The following OSBPL10 variants were observed in gnomAD, a reference collection of about 807,000 sequenced individuals.
The protein encoded by OSBPL10 is oxysterol-binding protein-related protein 10.
Under a neutral mutation model 81.7 loss-of-function variants are expected in OSBPL10, and 49 were observed. That is an observed-to-expected ratio of 0.60 (90% CI 0.48 to 0.76). The LOEUF (loss-of-function observed/expected upper bound fraction) is 0.76. Ranked by LOEUF, OSBPL10 falls within the 30% of genes least tolerant of loss-of-function variation. The pLI, the probability that OSBPL10 is intolerant of heterozygous loss-of-function variation, is 0.00. For synonymous variants in OSBPL10, 419 were observed against 383.6 expected, an observed-to-expected ratio of 1.09 and a Z score of -1.08; for missense variants, 923 against 987.8, an observed-to-expected ratio of 0.93 and a Z score of 0.88.
At chr3:31,984,841 G>A (rs909380053), upstream of OSBPL10, among the ~76,000 whole-genome samples, 3 of 152,200 alleles carry the variant, frequency 2.0e-5, no homozygotes, top group East Asian at 1.9e-4. Flanking sequence ...GCCTGTGCCC[G>A]GGAATGAACA....
At chr3:31,893,780 T>C (rs1695975664) in intron 1 of OSBPL10, among the ~76,000 whole-genome samples, 1 of 152,176 alleles carries the variant, frequency 6.6e-6, no homozygotes, top group Non-Finnish European at 1.5e-5. Flanking sequence ...ATTCTATTTA[T>C]ATAAAACGTC....
rs147686391 is a variant in OSBPL10 at position 31,882,211 on chromosome 3, G to A, written c.282-2381C>T. ...AAAGCTCCAATTCCTCTAAGAAATC[G>A]TCCACTTTGAATTATTTTTAATATT... On this transcript the variant is annotated intron_variant, in intron 1 of 11. Transcript: ENST00000396556. Among the ~76,000 whole-genome samples, 106 of 152,238 alleles carry A rather than the reference G, an allele frequency of 7.0e-4. 2 individuals carry two copies. The highest frequency in any genetic ancestry group is 2.1e-3 in the African/African-American group (89 of 41,546).
chr3:32,046,420 A>T (rs1206527194), intron 2 of OSBPL10: 1 of 152,184 alleles, frequency 6.6e-6, no homozygotes, highest in African/African-American at 2.4e-5. Context: ...TTCTTTGTCA[A>T]ATCAAAAAGA....
intron 6 of OSBPL10, 144 bp downstream of exon 6, chr3:31,733,113 A>G (rs1697028656): frequency 8.6e-7 from 1 of 1,159,134 alleles, no homozygotes; most frequent in Admixed American, 2.8e-5. Context: ...CACATAGCTG[A>G]TTTTGTCTCT....
At chr3:31,912,702 A>G (rs1353721726) in intron 1 of OSBPL10, among the ~76,000 whole-genome samples, 1 of 152,178 alleles carries the variant, frequency 6.6e-6, no homozygotes, top group African/African-American at 2.4e-5. Context: ...GAAACCCTCA[A>G]TAAAGCTGTC....
At chr3:31,876,909 T>C (rs1701487993) in intron 2 of OSBPL10, among the ~76,000 whole-genome samples, 1 of 150,866 alleles carries the variant, frequency 6.6e-6, no homozygotes, top group African/African-American at 2.4e-5. Flanking sequence ...GGCACTTTTT[T>C]TTTTTTTTTT....
intron 2 of OSBPL10, among the ~76,000 whole-genome samples, chr3:32,042,295 CT>C (rs913389119): frequency 3.9e-5 from 6 of 152,204 alleles, no homozygotes; most frequent in African/African-American, 9.6e-5. Flanking sequence ...CTGTTGCACC[CT>C]TTCTGAATTC....
chr3:31,786,916 C>G (rs1444052867), intron 4 of OSBPL10, among the ~76,000 whole-genome samples: 1 of 152,166 alleles, frequency 6.6e-6, no homozygotes, highest in Non-Finnish European at 1.5e-5. Flanking sequence ...AGACACAGAT[C>G]TGAACCAGCG....
chr3:31,866,147 C>A (rs993237092), intron 3 of OSBPL10, among the ~76,000 whole-genome samples: 1 of 152,160 alleles, frequency 6.6e-6, no homozygotes. Flanking sequence ...GCGGGAGGAA[C>A]AATTAAACAG....
intron 3 of OSBPL10, among the ~76,000 whole-genome samples, chr3:31,853,787 C>T (rs1426753458): frequency 6.6e-6 from 1 of 152,210 alleles, no homozygotes; most frequent in Non-Finnish European, 1.5e-5. Context: ...CACCTGGCTG[C>T]ACCACCCACA....
chr3:31,664,190 G>A lies in OSBPL10; in HGVS notation c.2139C>T (p.Asp713=), dbSNP rs545779198. The change falls in exon 11 of 12, where the codon GAC becomes GAT. Residue 713 remains aspartate, a synonymous_variant. Transcript: ENST00000396556. ...GCTTCTGCTCGGTGGCTGCGTCAATGTCCCCCAGCCGCAGGTATCGGGTCA... is the reference window on the plus strand; with the variant it reads ...GCTTCTGCTCGGTGGCTGCGTCAATATCCCCCAGCCGCAGGTATCGGGTCA... ...REVTRYLRLG[D]IDAATEQKRH... The A allele has an allele frequency of 1.2e-6, 2 of 1,613,028 alleles. No homozygotes were observed. Among genetic ancestry groups the A allele is most frequent in the South Asian group, 1.1e-5 (1 of 91,016 alleles).
intron 1 of OSBPL10, among the ~76,000 whole-genome samples, chr3:32,059,597 A>G (rs1395452095): frequency 2.6e-5 from 4 of 151,520 alleles, no homozygotes; most frequent in Non-Finnish European, 4.4e-5. Flanking sequence ...TCTCAAAAAA[A>G]CAAAACAAAA....
intron 1 of OSBPL10, among the ~76,000 whole-genome samples, chr3:32,055,228 G>A (rs538487872): frequency 1.5e-4 from 16 of 109,590 alleles, no homozygotes; most frequent in African/African-American, 5.7e-4. Flanking sequence ...TTTTGAGACG[G>A]AGTCTCGCTC....
At chr3:31,870,557 T>A (rs1701295327) in intron 3 of OSBPL10, among the ~76,000 whole-genome samples, 2 of 152,228 alleles carry the variant, frequency 1.3e-5, no homozygotes, top group South Asian at 4.1e-4. Context: ...CGGGATCCAC[T>A]GGGTGAAGCC....
At chr3:31,855,743 G>A (rs1033245596) in intron 3 of OSBPL10, among the ~76,000 whole-genome samples, 1 of 152,044 alleles carries the variant, frequency 6.6e-6, no homozygotes, top group Non-Finnish European at 1.5e-5. Flanking sequence ...AGCAAAACAG[G>A]GACCAGACAC....
chr3:31,770,790 A>G (rs1698358856), intron 4 of OSBPL10, among the ~76,000 whole-genome samples: 1 of 152,176 alleles, frequency 6.6e-6, no homozygotes. Flanking sequence ...CTGTCTCAAA[A>G]AAAAAGAAGG....
chr3:31,820,338 T>A (rs1366084759), intron 4 of OSBPL10, among the ~76,000 whole-genome samples: 2 of 152,190 alleles, frequency 1.3e-5, no homozygotes, highest in Non-Finnish European at 2.9e-5. Flanking sequence ...GGCTCACGCC[T>A]ATAATCCCAG....
intron 11 of OSBPL10, chr3:31,662,817 T>C: frequency 1.0e-6 from 1 of 985,424 alleles, no homozygotes; most frequent in Non-Finnish European, 1.2e-6. Flanking sequence ...CCAGACAAAC[T>C]AGCTCTCTCA....
intron 1 of OSBPL10, among the ~76,000 whole-genome samples, chr3:31,932,735 C>G (rs1002456375): frequency 1.1e-4 from 16 of 152,022 alleles, no homozygotes; most frequent in Non-Finnish European, 1.9e-4. Flanking sequence ...GCAAGAGAAT[C>G]AAAAATTTAA....
Sources: gnomAD v4.1 joint callset for allele counts (sites outside exome capture counted in the v4.1 genomes callset) on GRCh38, gnomAD v4.1.1 for gene constraint, MANE v1.5 for transcripts, NCBI Gene and HGNC (gene_info 2026-07-23, HGNC 2026-07-21) for gene names.